The following SLC71A2 variants were observed in gnomAD, a reference collection of about 807,000 sequenced individuals.
The protein encoded by SLC71A2 is solute carrier family 71 member 2.
the SLC71A2 span, among the ~76,000 whole-genome samples, chr9:94,403,334 C>T: frequency 1.3e-5 from 2 of 151,794 alleles, no homozygotes; most frequent in Non-Finnish European, 2.9e-5. Context: ...GACGGGTTTG[C>T]ACCATGTTGG....
At chr9:94,449,620 G>C in the SLC71A2 span, among the ~76,000 whole-genome samples, 1 of 152,192 alleles carries the variant, frequency 6.6e-6, no homozygotes, top group Non-Finnish European at 1.5e-5. Context: ...ATACTTGCTG[G>C]TGAGAATGTA....
At chr9:94,429,136 T>G in the SLC71A2 span, 12 of 1,603,296 alleles carry the variant, frequency 7.5e-6, no homozygotes, top group Non-Finnish European at 1.0e-5. Flanking sequence ...GGCAGAAAAT[T>G]TTTCCTTTAA....
chr9:94,398,393 A>G, the SLC71A2 span, among the ~76,000 whole-genome samples: 2 of 152,014 alleles, frequency 1.3e-5, no homozygotes, highest in African/African-American at 4.8e-5. Context: ...TCAATATTAC[A>G]AAGTTTCCGT....
chr9:94,389,661 C>T, the SLC71A2 span, among the ~76,000 whole-genome samples: 3 of 151,768 alleles, frequency 2.0e-5, no homozygotes, highest in Non-Finnish European at 2.9e-5. Context: ...GGCTGGAGTG[C>T]AGTGGTACGA....
At chr9:94,409,431 C>T in the SLC71A2 span, among the ~76,000 whole-genome samples, 3 of 150,816 alleles carry the variant, frequency 2.0e-5, no homozygotes, top group Non-Finnish European at 4.4e-5. Context: ...GTGCTAGGCT[C>T]ACACTGCACC....
chr9:94,454,094 G>A, the SLC71A2 span: 11 of 1,516,976 alleles, frequency 7.3e-6, no homozygotes, highest in East Asian at 4.5e-5. Context: ...TTAGATTCTC[G>A]TGAACTGCCA....
At chr9:94,402,616 T>G in the SLC71A2 span, among the ~76,000 whole-genome samples, 1 of 152,202 alleles carries the variant, frequency 6.6e-6, no homozygotes, top group Non-Finnish European at 1.5e-5. Context: ...CAGATAAGAT[T>G]GTTGCAGATA....
chr9:94,413,738 C>T, the SLC71A2 span, among the ~76,000 whole-genome samples: 1 of 149,982 alleles, frequency 6.7e-6, no homozygotes, highest in South Asian at 2.1e-4. Context: ...TATTACAATT[C>T]TTTGGGTTAG....
the SLC71A2 span, among the ~76,000 whole-genome samples, chr9:94,410,804 C>A: frequency 6.6e-6 from 1 of 152,170 alleles, no homozygotes; most frequent in African/African-American, 2.4e-5. Flanking sequence ...CTCACTCTTT[C>A]CCCCAGGCTG....
At chr9:94,441,439 T>G in the SLC71A2 span, among the ~76,000 whole-genome samples, 1 of 152,132 alleles carries the variant, frequency 6.6e-6, no homozygotes, top group South Asian at 2.1e-4. Flanking sequence ...TCACAAGAAC[T>G]CACTTACTAT....
At chr9:94,384,611 A>T in the SLC71A2 span, among the ~76,000 whole-genome samples, 1 of 152,184 alleles carries the variant, frequency 6.6e-6, no homozygotes, top group Non-Finnish European at 1.5e-5. Context: ...AAGTGCGGGG[A>T]TTACAGGCAT....
chr9:94,385,335 A>G, the SLC71A2 span, among the ~76,000 whole-genome samples: 176 of 152,236 alleles, frequency 1.2e-3, no homozygotes, highest in Non-Finnish European at 2.0e-3. Flanking sequence ...CTTTTGCCCT[A>G]TGTTTTCTTC....
the SLC71A2 span, among the ~76,000 whole-genome samples, chr9:94,406,511 T>A: frequency 6.6e-6 from 1 of 152,140 alleles, no homozygotes; most frequent in Admixed American, 6.6e-5. Context: ...AATGCTGGGA[T>A]TACAGGAGTG....
the SLC71A2 span, chr9:94,458,248 AAAGT>A: frequency 2.2e-6 from 3 of 1,360,486 alleles, no homozygotes; most frequent in Admixed American, 7.4e-5. Context: ...TGGTTATGAG[AAAGT>A]ACTGTGCAGC....
the SLC71A2 span, among the ~76,000 whole-genome samples, chr9:94,412,167 T>C: frequency 6.6e-6 from 1 of 152,214 alleles, no homozygotes; most frequent in East Asian, 1.9e-4. Context: ...TTTGCATGTT[T>C]CTTAATACAA....
At chr9:94,442,570 G>A in the SLC71A2 span, among the ~76,000 whole-genome samples, 5 of 152,278 alleles carry the variant, frequency 3.3e-5, no homozygotes, top group African/African-American at 1.2e-4. Flanking sequence ...ACAAAAATAG[G>A]CCGGGTGCGG....
the SLC71A2 span, among the ~76,000 whole-genome samples, chr9:94,455,728 ACT>A: frequency 6.6e-6 from 1 of 151,956 alleles, no homozygotes; most frequent in Admixed American, 6.6e-5. Context: ...CATAGTTAAG[ACT>A]CTTATTGAGA....
At chr9:94,460,459 G>A in the SLC71A2 span, 10 of 152,552 alleles carry the variant, frequency 6.6e-5, no homozygotes, top group East Asian at 3.9e-4. Context: ...ATGGGAATAC[G>A]CACATTAAGT....
the SLC71A2 span, among the ~76,000 whole-genome samples, chr9:94,440,526 A>G: frequency 6.6e-6 from 1 of 151,886 alleles, no homozygotes; most frequent in African/African-American, 2.4e-5. Context: ...TTAATTTTAA[A>G]CTGGGTTTTT....
Sources: gnomAD v4.1 joint callset for allele counts (sites outside exome capture counted in the v4.1 genomes callset) on GRCh38, gnomAD v4.1.1 for gene constraint, MANE v1.5 for transcripts, NCBI Gene and HGNC (gene_info 2026-07-23, HGNC 2026-07-21) for gene names.